Variants in BAZ1B observed in about 807,000 individuals in gnomAD.
BAZ1B encodes bromodomain adjacent to zinc finger domain 1B.
BAZ1B carries 22 observed loss-of-function variants against 153.8 expected under a neutral mutation model. The ratio of observed to expected loss-of-function variants is 0.14; its 90% CI spans 0.10 to 0.20. The LOEUF is 0.20. BAZ1B is among the 10% of genes least tolerant of loss of function. BAZ1B has a pLI of 1.00. For missense variants in BAZ1B, 1,325 were observed against 1,799.3 expected, an observed-to-expected ratio of 0.74 and a Z score of 4.77; for synonymous variants, 676 against 633.4, an observed-to-expected ratio of 1.07 and a Z score of -1.01.
intron 1 of BAZ1B, among the ~76,000 whole-genome samples, chr7:73,511,965 T>G (rs1286628594): frequency 1.4e-5 from 2 of 142,946 alleles, no homozygotes; most frequent in African/African-American, 5.3e-5. Flanking sequence ...TGGGAGGCCG[T>G]TGCAGTGAGC....
Position 73,444,552 on chromosome 7 carries a change from T to G in BAZ1B, c.3845-423A>C, listed in dbSNP as rs10277315. Among the ~76,000 whole-genome samples, 8 of 152,320 alleles carry G rather than the reference T, an allele frequency of 5.3e-5. No homozygotes were observed. In the South Asian group the frequency reaches 1.4e-3, roughly 28 times the overall value. ...TATTTACATGTAAGATGGAACTGGA[T>G]TGTAAAACAAACCCTATGTTGTAAT... On this transcript the variant is annotated intron_variant, in intron 16 of 19. Transcript: ENST00000339594.
At chr7:73,510,604 A>G (rs1790540624) in intron 2 of BAZ1B, 132 bp downstream of exon 2, 1 of 849,086 alleles carries the variant, frequency 1.2e-6, no homozygotes, top group Non-Finnish European at 1.9e-6. Flanking sequence ...AGAAACCCAT[A>G]CAGTACACTA....
intron 12 of BAZ1B, among the ~76,000 whole-genome samples, chr7:73,461,180 T>A (rs1563370360): frequency 6.6e-6 from 1 of 152,306 alleles, no homozygotes; most frequent in Non-Finnish European, 1.5e-5. Flanking sequence ...TTCTCTATGC[T>A]GGTCAGACTG....
At chr7:73,516,735 A>C (rs1403194117) in intron 1 of BAZ1B, among the ~76,000 whole-genome samples, 1 of 123,906 alleles carries the variant, frequency 8.1e-6, no homozygotes, top group Non-Finnish European at 1.6e-5. Context: ...AGATTGCACC[A>C]TTGCACTCCA....
At chr7:73,464,222 CAG>C in intron 11 of BAZ1B, 1 of 938,374 alleles carries the variant, frequency 1.1e-6, no homozygotes, top group Non-Finnish European at 1.3e-6. Flanking sequence ...AAATTGAGCA[CAG>C]AGTCAGCAAT....
chr7:73,496,925 G>A (rs188270982), intron 4 of BAZ1B, among the ~76,000 whole-genome samples: 1 of 151,964 alleles, frequency 6.6e-6, no homozygotes, highest in East Asian at 1.9e-4. Flanking sequence ...GCTGCACTAA[G>A]CTGTCATCAC....
At chr7:73,485,747 A>G (rs916423662) in intron 6 of BAZ1B, among the ~76,000 whole-genome samples, 14 of 152,126 alleles carry the variant, frequency 9.2e-5, no homozygotes, top group Non-Finnish European at 1.5e-5. Flanking sequence ...TCCTGTATAA[A>G]ATTATTTAAT....
In BAZ1B at chr7:73,441,516, T is replaced by G. The variant is rs1198438581; in HGVS notation, c.*193A>C. 1 of 152,430 alleles carries G rather than the reference T, an allele frequency of 6.6e-6. No homozygotes were observed. The highest frequency in any genetic ancestry group is 2.4e-5 in the African/African-American group (1 of 41,368). The allele number at this position is 152,430 out of a possible 1,614,324, so 9.4% of individuals were successfully genotyped here. A position where few individuals can be genotyped will look rare whatever the true frequency, so the allele number is the denominator to read the frequency against. On this transcript the variant is annotated 3_prime_UTR_variant, in exon 20 of 20. Transcript: ENST00000339594. ...GAAGTGCCTTAGTTTTGTTTTTTTG[T>G]TTTTTGTGGTTTTTTTATTTTTTGG... is the stretch of plus-strand genomic sequence containing the variant.
rs1554573008 is a variant in BAZ1B at position 73,477,548 on chromosome 7, A to G, written c.1913T>C (p.Met638Thr). ...ACCCTTATCTGCACTCAAGGCTTCC[A>G]TAAGGGACACAGCAGTAATAGGATA... ...AQYPITAVSL[M>T]EALSADKGGF... Residue 638 changes from methionine to threonine, a missense_variant, in exon 7 of 20, where the codon ATG (methionine) becomes ACG (threonine). Coordinates refer to ENST00000339594, the MANE Select transcript of BAZ1B (RefSeq NM_032408.4). The surrounding 1 kb of genome is among the most constrained non-coding windows in gnomAD (Gnocchi z 5.6). 6.2e-7 allele frequency: 1 copy of G among 1,614,084 alleles called. No homozygotes were observed.
intron 4 of BAZ1B, among the ~76,000 whole-genome samples, chr7:73,496,683 TAG>T (rs1789913815): frequency 6.6e-6 from 1 of 152,268 alleles, no homozygotes; most frequent in East Asian, 1.9e-4. Flanking sequence ...ACATTATTGT[TAG>T]AGTCTCCAGG....
intron 6 of BAZ1B, among the ~76,000 whole-genome samples, chr7:73,481,183 A>G (rs533997299): frequency 6.6e-6 from 1 of 151,930 alleles, no homozygotes; most frequent in Admixed American, 6.5e-5. Context: ...TCCGCCTCCC[A>G]AAGTGCTGGG....
chr7:73,449,699 G>A lies in BAZ1B; in HGVS notation c.3581-10C>T, dbSNP rs1204894883. 3.1e-6 allele frequency: 5 copies of A among 1,613,078 alleles called. No individual in the cohort carries two copies. Among genetic ancestry groups the A allele is most frequent in the Admixed American group, 3.3e-5 (2 of 59,790 alleles). On this transcript the variant is annotated splice_polypyrimidine_tract_variant and intron_variant, in intron 14 of 19. Coordinates refer to ENST00000339594, the MANE Select transcript of BAZ1B (RefSeq NM_032408.4). Reference sequence around the variant, plus strand: ...AATTTGTCATCCTCACCTGCAGAGAGATAAATGTGAATAGCATTGTTGGGA... The same window carrying A: ...AATTTGTCATCCTCACCTGCAGAGAAATAAATGTGAATAGCATTGTTGGGA...
intron 3 of BAZ1B, among the ~76,000 whole-genome samples, chr7:73,508,117 T>C (rs781996366): frequency 2.0e-4 from 31 of 152,150 alleles, no homozygotes; most frequent in Non-Finnish European, 3.4e-4. Context: ...GATTGCGCAC[T>C]GCACTCCAGC....
At position 73,455,206 on chromosome 7, in the gene BAZ1B, T is replaced by C. The variant is rs183291949; in HGVS notation, c.3433-4212A>G. ...GGTCCTGAACTTAAGGCTTTTTTAC[T>C]CATCTCTATAAAACCTCCAAACTTA... On this transcript the variant is annotated intron_variant, in intron 13 of 19. Coordinates refer to ENST00000339594, the MANE Select transcript of BAZ1B (RefSeq NM_032408.4). Among the ~76,000 whole-genome samples the C allele has an allele frequency of 1.5e-3, 224 of 152,070 alleles. 5 individuals are homozygous for C. Among genetic ancestry groups the C allele is most frequent in the Non-Finnish European group, 3.2e-4 (22 of 67,972 alleles).
chr7:73,503,408 C>T (rs1367365766), intron 3 of BAZ1B, among the ~76,000 whole-genome samples: 4 of 152,006 alleles, frequency 2.6e-5, no homozygotes, highest in Non-Finnish European at 4.4e-5. Context: ...CAGGGTCTTG[C>T]TATGTTGCCC....
rs781843289 is a variant in BAZ1B at position 73,478,075 on chromosome 7, C to T, written c.1386G>A (p.Arg462=). 1 of 1,614,168 alleles carries T rather than the reference C, an allele frequency of 6.2e-7. No individual in the cohort carries two copies. Among genetic ancestry groups the T allele is most frequent in the Non-Finnish European group, 8.5e-7 (1 of 1,180,024 alleles). The part of the protein sequence containing the change: ...RAPRNSGGTP[R]TSSKPHKHLP... ...GATGTTTATGAGGTTTACTAGAGGT[C>T]CTAGGTGTACCCCCAGAATTCCGTG... The change falls in exon 7 of 20, where the codon AGG becomes AGA. Residue 462 remains arginine, a synonymous_variant. Transcript: ENST00000339594.
At chr7:73,504,616 ATCGCGCCACCGGAC>A (rs1790261213) in intron 3 of BAZ1B, among the ~76,000 whole-genome samples, 1 of 152,026 alleles carries the variant, frequency 6.6e-6, no homozygotes, top group South Asian at 2.1e-4. Flanking sequence ...ACGAGCCGAG[ATCGCGCCACCGGAC>A]TCCAGCCTGG....
intron 17 of BAZ1B, 34 bp downstream of exon 17, chr7:73,443,950 A>C: frequency 1.2e-6 from 2 of 1,611,580 alleles, no homozygotes. Flanking sequence ...TAAGAAACAG[A>C]AAGGTTAGAG....
chr7:73,518,919 C>T (rs1283659921), intron 1 of BAZ1B, among the ~76,000 whole-genome samples: 1 of 152,114 alleles, frequency 6.6e-6, no homozygotes, highest in Non-Finnish European at 1.5e-5. Flanking sequence ...GCTTGTAGCT[C>T]CAATTCCTGC....
Sources: gnomAD v4.1 joint callset for allele counts (sites outside exome capture counted in the v4.1 genomes callset) on GRCh38, gnomAD v4.1.1 for gene constraint, Gnocchi (gnomAD v3.1) non-coding constraint, MANE v1.5 for transcripts, NCBI Gene and HGNC (gene_info 2026-07-23, HGNC 2026-07-21) for gene names.